Variants in FAM178B observed in about 807,000 individuals in gnomAD.
The protein encoded by FAM178B is family with sequence similarity 178 member B, also known as protein FAM178B.
Under a neutral mutation model 91.7 loss-of-function variants are expected in FAM178B, and 82 were observed. That is an observed-to-expected ratio of 0.89 (90% CI 0.75 to 1.07). The LOEUF is 1.07. Among genes scored for constraint, FAM178B ranks in the 50% least tolerant of loss-of-function variants. The probability of loss-of-function intolerance (pLI) is 0.00; values close to 1 mark genes in which losing one functional copy is unlikely to be tolerated. For synonymous variants in FAM178B, 368 were observed against 359.4 expected (o/e 1.02, Z -0.27); for missense variants, 769 against 846.7 (o/e 0.91, Z 1.14).
rs1186400498 is a variant in FAM178B at position 96,936,369 on chromosome 2, GT to G, written c.1079-7050del. Among the ~76,000 whole-genome samples the G allele has an allele frequency of 5.7e-3, 266 of 47,028 alleles. 1 individual carries two copies. Among genetic ancestry groups the G allele is most frequent in the African/African-American group, 8.9e-3 (235 of 26,500 alleles). 30.9% of individuals were successfully genotyped at this position (47,028 alleles called of 152,430 possible). A position where few individuals can be genotyped will look rare whatever the true frequency, so the allele number is the denominator to read the frequency against. On this transcript the variant is annotated intron_variant, in intron 8 of 16. Transcript: ENST00000490605. Reference sequence around the variant, plus strand: ...GGCGCCCGCCACCACGCCCGGCTAAGTTTTTGTATTTTTAGTAGAGACGGGG... The same window carrying G: ...GGCGCCCGCCACCACGCCCGGCTAAGTTTTGTATTTTTAGTAGAGACGGGG...
At chr2:96,977,991 C>A in intron 1 of FAM178B, 1 of 431,868 alleles carries the variant, frequency 2.3e-6, no homozygotes, top group Non-Finnish European at 4.6e-6. Context: ...ACTTTGAAGT[C>A]CATCAGAGGA....
At chr2:96,896,166 G>A (rs1329064980) in intron 13 of FAM178B, among the ~76,000 whole-genome samples, 2 of 152,180 alleles carry the variant, frequency 1.3e-5, no homozygotes, top group African/African-American at 4.8e-5. Context: ...GGCAGGCCTC[G>A]CCCAGCCGGG....
At chr2:96,931,556 T>C (rs2081539496) in intron 8 of FAM178B, among the ~76,000 whole-genome samples, 1 of 152,044 alleles carries the variant, frequency 6.6e-6, no homozygotes, top group Non-Finnish European at 1.5e-5. Context: ...CAAAGCAGCA[T>C]GGCATGTCAA....
At chr2:96,970,280 G>A (rs2082199456) in intron 4 of FAM178B, among the ~76,000 whole-genome samples, 1 of 152,210 alleles carries the variant, frequency 6.6e-6, no homozygotes, top group South Asian at 2.1e-4. Flanking sequence ...GGGAAAATGG[G>A]CAACGCGTGC....
chr2:96,917,167 G>C (rs1559071302), intron 12 of FAM178B, among the ~76,000 whole-genome samples: 1 of 152,170 alleles, frequency 6.6e-6, no homozygotes, highest in East Asian at 1.9e-4. Flanking sequence ...GGGAAGAAGC[G>C]CATTTTCAAC....
chr2:96,923,526 C>A lies in FAM178B; in HGVS notation c.1251G>T (p.Glu417Asp). ...NENEEQDAPQ[E>D]IALDISLGHI... The stretch of plus-strand genomic sequence containing the variant: ...GGCCCAGGCTGATGTCCAAGGCAAT[C>A]TCTTGGGGAGCGTCCTGCTCCTCAT... Residue 417 changes from glutamate (E) to aspartate (D), a missense_variant, in exon 10 of 17, where the codon GAG becomes GAT. Transcript: ENST00000490605. 1 of 1,551,724 alleles carries A rather than the reference C, an allele frequency of 6.4e-7. No individual in the cohort carries two copies. The highest frequency in any genetic ancestry group is 2.4e-5 in the East Asian group (1 of 40,918).
chr2:96,940,193 G>C (rs1262765213), intron 8 of FAM178B, among the ~76,000 whole-genome samples: 1 of 152,148 alleles, frequency 6.6e-6, no homozygotes, highest in African/African-American at 2.4e-5. Flanking sequence ...GAGGACAATG[G>C]GACCAGCCCT....
intron 12 of FAM178B, among the ~76,000 whole-genome samples, chr2:96,909,438 G>A (rs989007035): frequency 2.0e-5 from 3 of 152,170 alleles, no homozygotes; most frequent in Non-Finnish European, 4.4e-5. Context: ...GGTCCTCTAC[G>A]CTTGGAAGAA....
intron 10 of FAM178B, 97 bp downstream of exon 10, chr2:96,923,393 G>A (rs1385661733): frequency 1.1e-5 from 10 of 949,736 alleles, no homozygotes; most frequent in African/African-American, 8.1e-5. Context: ...TGCTGAGCTC[G>A]CCGGAGATTC....
rs188071193 is a variant in FAM178B, at chr2:96,883,576, G to A, written c.1777-5083C>T. ...CCTGTTTCTGGCAGGAGGACCCTGC[G>A]GGAGCAGGTCCAGCTAGGCTCTGGG... On this transcript the variant is annotated intron_variant, in intron 14 of 16. Coordinates refer to ENST00000490605, the MANE Select transcript of FAM178B (RefSeq NM_001122646.3). 8.4e-3 allele frequency among the ~76,000 whole-genome samples: 1,274 copies of A among 152,364 alleles called. 5 individuals carry two copies. Among genetic ancestry groups the A allele is most frequent in the South Asian group, 0.015 (72 of 4,830 alleles).
intron 16 of FAM178B, among the ~76,000 whole-genome samples, chr2:96,877,480 G>A (rs1026780066): frequency 6.7e-6 from 1 of 149,548 alleles, no homozygotes; most frequent in African/African-American, 2.5e-5. Flanking sequence ...TGGGCTTACT[G>A]CAACCTCCGC....
At chr2:96,909,017 C>T (rs545847429) in intron 12 of FAM178B, among the ~76,000 whole-genome samples, 1 of 151,852 alleles carries the variant, frequency 6.6e-6, no homozygotes, top group Non-Finnish European at 1.5e-5. Flanking sequence ...GTGACAGGTA[C>T]CTGTAATGCC....
intron 14 of FAM178B, among the ~76,000 whole-genome samples, chr2:96,888,436 G>A (rs904745852): frequency 6.6e-6 from 1 of 152,218 alleles, no homozygotes; most frequent in Non-Finnish European, 1.5e-5. Flanking sequence ...CCTTTCAGGG[G>A]GACAGAGGGT....
intron 8 of FAM178B, among the ~76,000 whole-genome samples, chr2:96,929,570 C>T (rs2081505799): frequency 6.6e-6 from 1 of 152,238 alleles, no homozygotes; most frequent in African/African-American, 2.4e-5. Context: ...CTTGGGTCAA[C>T]CACTCCCTGA....
chr2:96,961,066 T>G (rs1251874517), intron 5 of FAM178B, among the ~76,000 whole-genome samples: 1 of 151,274 alleles, frequency 6.6e-6, no homozygotes, highest in Non-Finnish European at 1.5e-5. Context: ...CTGGGCCCGG[T>G]CCGGCCCAGA....
chr2:96,944,406 A>C (rs556478763), intron 8 of FAM178B, among the ~76,000 whole-genome samples: 1 of 152,220 alleles, frequency 6.6e-6, no homozygotes, highest in African/African-American at 2.4e-5. Context: ...CCGTGACCCC[A>C]GTTCTAATGA....
At chr2:96,939,588 G>C (rs1272419280) in intron 8 of FAM178B, among the ~76,000 whole-genome samples, 1 of 152,218 alleles carries the variant, frequency 6.6e-6, no homozygotes, top group Non-Finnish European at 1.5e-5. Flanking sequence ...GCCAGGTAAA[G>C]AGGCTGGCAC....
In FAM178B at chr2:96,944,782, T is replaced by C. The variant is rs560268064; in HGVS notation, c.1078+3036A>G. Among the ~76,000 whole-genome samples the C allele has an allele frequency of 2.6e-5, 4 of 152,372 alleles. No homozygotes were observed. In the East Asian group the frequency reaches 7.7e-4, roughly 29 times the overall value. On this transcript the variant is annotated intron_variant, in intron 8 of 16. Transcript: ENST00000490605. ...TGGGAATACCAGACCTGCGTTTACC[T>C]GCACCAAACCTGATGTGGACAGCCC...
chr2:96,936,699 C>G (rs975661457), intron 8 of FAM178B, among the ~76,000 whole-genome samples: 1 of 151,838 alleles, frequency 6.6e-6, no homozygotes, highest in Admixed American at 6.6e-5. Flanking sequence ...TTAGTAGGGA[C>G]GGGGTTTTGC....
Sources: gnomAD v4.1 joint callset for allele counts (sites outside exome capture counted in the v4.1 genomes callset) on GRCh38, gnomAD v4.1.1 for gene constraint, MANE v1.5 for transcripts, NCBI Gene and HGNC (gene_info 2026-07-23, HGNC 2026-07-21) for gene names.